The following ITGA7 variants were observed in gnomAD, a reference collection of about 807,000 sequenced individuals.
ITGA7 encodes the protein integrin subunit alpha 7, also known as integrin alpha-7.
In ITGA7, 84 loss-of-function variants were observed where a neutral mutation model predicts 131.6. That is an observed-to-expected ratio of 0.64 (90% CI 0.54 to 0.77). The LOEUF (loss-of-function observed/expected upper bound fraction) is 0.77, where lower values mean the gene tolerates loss of function less well. Ranked by LOEUF, ITGA7 falls within the 30% of genes least tolerant of loss-of-function variation. The pLI is 0.00. For synonymous variants in ITGA7, 548 were observed against 600.7 expected (o/e 0.91, Z 1.28); for missense variants, 1,399 against 1,482.9 (o/e 0.94, Z 0.93).
chr12:55,709,205 C>T (rs1326955151), upstream of ITGA7, among the ~76,000 whole-genome samples: 1 of 152,182 alleles, frequency 6.6e-6, no homozygotes, highest in Non-Finnish European at 1.5e-5. Flanking sequence ...CTCAATGTTT[C>T]TAGTGTTGTC....
Position 55,698,732 on chromosome 12 carries a change from C to T in ITGA7, c.976G>A (p.Val326Met), listed in dbSNP as rs750168476. The T allele has an allele frequency of 6.2e-7, 1 of 1,614,154 alleles. No individual in the cohort carries two copies. Among genetic ancestry groups the T allele is most frequent in the Non-Finnish European group, 8.5e-7 (1 of 1,180,010 alleles). The change falls in exon 6 of 25, where the codon GTG (valine) becomes ATG (methionine). Residue 326 changes from valine to methionine, a missense_variant. Coordinates refer to ENST00000257879, the MANE Select transcript of ITGA7 (RefSeq NM_002206.3). ...LTSGFGYSLA[V>M]ADLNSDGWPD... ...CACCCATCACTGTTGAGGTCAGCCA[C>T]AGCCAGTGAGTAGCCAAAGCCGGAG... is the stretch of plus-strand genomic sequence containing the variant.
At chr12:55,699,566 G>C (rs1428698093) in intron 5 of ITGA7, 1 of 453,252 alleles carries the variant, frequency 2.2e-6, no homozygotes, top group Non-Finnish European at 4.1e-6. Flanking sequence ...CTCAGGGAAA[G>C]TCCCCCTAGA....
chr12:55,684,775 G>A lies in ITGA7; in HGVS notation c.*283C>T. On this transcript the variant is annotated 3_prime_UTR_variant, in exon 25 of 25. Transcript: ENST00000257879. ...TACACAGGGTGAATGGGAGAGGAAG[G>A]GATTAGGATCCCTTCTCCCCACCTT... is the stretch of plus-strand genomic sequence containing the variant. The A allele has an allele frequency of 4.4e-6, 2 of 452,208 alleles. No individual in the cohort carries two copies. The highest frequency in any genetic ancestry group is 7.9e-6 in the Non-Finnish European group (2 of 253,300). The allele number at this position is 452,208 out of a possible 1,614,324, so 28.0% of individuals were successfully genotyped here.
At chr12:55,689,023 C>T (rs1870888714) in intron 21 of ITGA7, 66 bp from the exon 22 acceptor site, 4 of 1,275,400 alleles carry the variant, frequency 3.1e-6, no homozygotes, top group African/African-American at 2.9e-5. Flanking sequence ...GCCATCTCTC[C>T]CATTTTCCTT....
chr12:55,686,059 T>A (rs931779866), intron 24 of ITGA7: 3 of 409,494 alleles, frequency 7.3e-6, no homozygotes, highest in Non-Finnish European at 1.4e-5. Context: ...ACCCTTCTAA[T>A]TACCTCTCAC....
chr12:55,700,606 A>G, intron 4 of ITGA7: 3 of 638,754 alleles, frequency 4.7e-6, no homozygotes, highest in Non-Finnish European at 8.1e-6. Flanking sequence ...GGAGACGGGA[A>G]TGGCAGTGAT....
intron 5 of ITGA7, 189 bp downstream of exon 5, chr12:55,699,681 C>T: frequency 1.4e-6 from 1 of 721,646 alleles, no homozygotes; most frequent in Non-Finnish European, 2.3e-6. Context: ...GGCCACCACC[C>T]TGGGGGCCTC....
intron 24 of ITGA7, 44 bp from the exon 25 acceptor site, chr12:55,685,332 C>A (rs369298478): frequency 1.3e-6 from 2 of 1,575,846 alleles, no homozygotes; most frequent in East Asian, 2.2e-5. Flanking sequence ...TGAAGAGCTG[C>A]GGTCCCTGGA....
At chr12:55,704,810 G>A (rs1458426782) in intron 1 of ITGA7, among the ~76,000 whole-genome samples, 4 of 152,160 alleles carry the variant, frequency 2.6e-5, no homozygotes, top group Admixed American at 6.5e-5. Context: ...ACCCCAGAAA[G>A]GGAAGGAGAG....
chr12:55,708,098 T>C (rs1466731494), upstream of ITGA7: 3 of 930,680 alleles, frequency 3.2e-6, no homozygotes, highest in Non-Finnish European at 3.8e-6. Flanking sequence ...GCTCCGCCCC[T>C]GCGCGGCGCT....
intron 3 of ITGA7, 188 bp from the exon 4 acceptor site, chr12:55,701,342 A>C (rs750563489): frequency 3.9e-6 from 6 of 1,556,750 alleles, no homozygotes; most frequent in Non-Finnish European, 4.4e-6. Context: ...AGTGTTACAC[A>C]GGTCCATGCA....
upstream of ITGA7, among the ~76,000 whole-genome samples, chr12:55,715,365 G>A (rs568920039): frequency 1.4e-4 from 21 of 152,126 alleles, no homozygotes; most frequent in East Asian, 3.9e-3. Flanking sequence ...TGTACCAGTA[G>A]CAAGAATATG....
chr12:55,697,467 C>T lies in ITGA7; in HGVS notation c.1489G>A (p.Gly497Ser). ...CCACCTCACCAGACCGAGTGGCCGC[C>T]AGCACAGTTGGGCTGCTCCAGGTCG... ...SIDLEQPNCA[G>S]GHSVCVDLRV... is the part of the protein sequence containing the mutation. Residue 497 changes from glycine (G) to serine (S), a missense_variant, in exon 10 of 25, where the codon GGC (glycine) becomes AGC (serine). Coordinates refer to ENST00000257879, the MANE Select transcript of ITGA7 (RefSeq NM_002206.3). 1 of 1,614,100 alleles carries T rather than the reference C, an allele frequency of 6.2e-7. No individual in the cohort carries two copies. Among genetic ancestry groups the T allele is most frequent in the South Asian group, 1.1e-5 (1 of 91,084 alleles).
At chr12:55,696,747 G>A in intron 12 of ITGA7, 152 bp downstream of exon 12, 1 of 874,692 alleles carries the variant, frequency 1.1e-6, no homozygotes, top group Non-Finnish European at 1.8e-6. Flanking sequence ...GGCAGCAGAT[G>A]AGGAGGAAGT....
intron 21 of ITGA7, among the ~76,000 whole-genome samples, chr12:55,690,291 C>T (rs928739287): frequency 6.6e-6 from 1 of 152,036 alleles, no homozygotes; most frequent in African/African-American, 2.4e-5. Context: ...AACAAACAAC[C>T]CCATCAAAAA....
intron 7 of ITGA7, 116 bp downstream of exon 7, chr12:55,698,267 A>C (rs1442834636): frequency 2.9e-6 from 3 of 1,021,470 alleles, no homozygotes; most frequent in Non-Finnish European, 4.2e-6. Context: ...CTCAGACATA[A>C]GCTCAGGGAC....
upstream of ITGA7, chr12:55,712,560 T>A (rs1876213502): frequency 9.7e-6 from 5 of 517,356 alleles, no homozygotes; most frequent in Non-Finnish European, 1.7e-5. Context: ...AGTGTGGAGT[T>A]GCATTCATTC....
upstream of ITGA7, among the ~76,000 whole-genome samples, chr12:55,711,084 G>T (rs1031797024): frequency 2.0e-5 from 3 of 152,180 alleles, no homozygotes; most frequent in African/African-American, 7.2e-5. Context: ...CAACTTTTTG[G>T]TTTTGATTTT....
chr12:55,714,180 C>A (rs1464767525), upstream of ITGA7, among the ~76,000 whole-genome samples: 3 of 151,412 alleles, frequency 2.0e-5, no homozygotes, highest in Non-Finnish European at 4.4e-5. Context: ...AGTTCAAGAC[C>A]AGTCTAACCA....
Sources: allele counts gnomAD v4.1 joint callset (sites outside exome capture counted in the v4.1 genomes callset), GRCh38; gene constraint gnomAD v4.1.1; transcripts MANE v1.5; gene names NCBI Gene and HGNC (gene_info 2026-07-23, HGNC 2026-07-21).